DOCK5: variants seen among roughly 807,000 people sequenced by gnomAD.
DOCK5 encodes dedicator of cytokinesis 5.
Under a neutral mutation model 251.8 loss-of-function variants are expected in DOCK5, and 142 were observed. The observed-to-expected ratio is 0.56, with a 90% CI of 0.49 to 0.65. The LOEUF (loss-of-function observed/expected upper bound fraction) is 0.65. Among genes scored for constraint, DOCK5 ranks in the 30% least tolerant of loss-of-function variants. DOCK5 has a pLI of 0.00. For synonymous variants in DOCK5, 842 were observed against 835.5 expected (o/e 1.01, Z -0.13); for missense variants, 2,111 against 2,312.3 (o/e 0.91, Z 1.79).
intron 40 of DOCK5, among the ~76,000 whole-genome samples, chr8:25,384,212 A>T (rs147335099): frequency 7.7e-4 from 117 of 152,262 alleles, no homozygotes; most frequent in African/African-American, 2.7e-3. Flanking sequence ...ATTTATACGA[A>T]ATTCTTGCCT....
chr8:25,255,489 G>T (rs1262757556), intron 2 of DOCK5, among the ~76,000 whole-genome samples: 3 of 152,208 alleles, frequency 2.0e-5, no homozygotes, highest in Non-Finnish European at 4.4e-5. Flanking sequence ...AAACTATGGA[G>T]ATGGTAAAAA....
chr8:25,382,342 GA>G (rs1259277688), intron 39 of DOCK5, among the ~76,000 whole-genome samples: 1 of 152,172 alleles, frequency 6.6e-6, no homozygotes, highest in Non-Finnish European at 1.5e-5. Flanking sequence ...GTGAATCTCA[GA>G]ATGCACTTTT....
intron 12 of DOCK5, 82 bp downstream of exon 12, chr8:25,309,007 T>C (rs956340635): frequency 2.0e-6 from 3 of 1,511,224 alleles, no homozygotes; most frequent in African/African-American, 1.4e-5. Context: ...TCCTGCCCTT[T>C]ATTATCTTTC....
At position 25,411,175 on chromosome 8, in the gene DOCK5, T is replaced by C. The variant is rs769891892; in HGVS notation, c.5509-19T>C. On this transcript the variant is annotated intron_variant, in intron 51 of 51. Coordinates refer to ENST00000276440, the MANE Select transcript of DOCK5 (RefSeq NM_024940.8). ...GAAAGCTAAGACCTGCTTCTAATTT[T>C]GTGTTTCTGCTTCTGCAGCTCGCTC... 28 of 1,535,500 alleles carry C rather than the reference T, an allele frequency of 1.8e-5. No individual in the cohort carries two copies. The highest frequency in any genetic ancestry group is 3.4e-4 in the Middle Eastern group (2 of 5,876).
intron 26 of DOCK5, among the ~76,000 whole-genome samples, chr8:25,346,511 T>C (rs1364550055): frequency 6.6e-6 from 1 of 151,732 alleles, no homozygotes; most frequent in Non-Finnish European, 1.5e-5. Context: ...CTCTGTGACC[T>C]GGCCCCCATC....
chr8:25,261,384 CAGT>C (rs1178850148), intron 2 of DOCK5, among the ~76,000 whole-genome samples: 1 of 152,088 alleles, frequency 6.6e-6, no homozygotes, highest in Non-Finnish European at 1.5e-5. Context: ...TTGGAGCATG[CAGT>C]AGTAATTAAG....
rs111308987 is a variant in DOCK5 at position 25,328,636 on chromosome 8, C to T, written c.1903+3089C>T. ...CTTCGCCTGAGGAGAGTTATTCAGA[C>T]TCAAAAGGTTAAAAGCCACTGGAGT... On this transcript the variant is annotated intron_variant, in intron 18 of 51. Transcript: ENST00000276440. 2.4e-3 allele frequency among the ~76,000 whole-genome samples: 360 copies of T among 152,228 alleles called. 1 individual carries two copies. Among genetic ancestry groups the T allele is most frequent in the African/African-American group, 8.2e-3 (341 of 41,554 alleles).
At chr8:25,277,432 T>A (rs1804072817) in intron 4 of DOCK5, 2 of 148,646 alleles carry the variant, frequency 1.3e-5, no homozygotes, top group East Asian at 2.0e-4. Context: ...TCCAAAACAG[T>A]AAAAAAAAAG....
chr8:25,376,105 A>AG (rs1240240445), intron 37 of DOCK5: 1 of 258,006 alleles, frequency 3.9e-6, no homozygotes, highest in Non-Finnish European at 4.7e-6. Context: ...TCTCAAAAGA[A>AG]AAAAAAAAAA....
At chr8:25,399,833 C>A in intron 45 of DOCK5, 78 bp from the exon 46 acceptor site, 1 of 1,084,072 alleles carries the variant, frequency 9.2e-7, no homozygotes, top group Non-Finnish European at 1.4e-6. Context: ...CCGCACAGGA[C>A]ACATGTTTCA....
chr8:25,236,995 C>G (rs1028413903), intron 1 of DOCK5, among the ~76,000 whole-genome samples: 1 of 152,040 alleles, frequency 6.6e-6, no homozygotes, highest in African/African-American at 2.4e-5. Context: ...TATCAGGTGA[C>G]TAATAAAAAA....
chr8:25,186,485 T>A (rs1162551964), intron 1 of DOCK5, among the ~76,000 whole-genome samples: 1 of 151,962 alleles, frequency 6.6e-6, no homozygotes, highest in Non-Finnish European at 1.5e-5. Context: ...GCAATTCTCC[T>A]GTCTCAGCCC....
chr8:25,221,556 C>T (rs1264222926), intron 1 of DOCK5, among the ~76,000 whole-genome samples: 3 of 152,218 alleles, frequency 2.0e-5, no homozygotes, highest in Non-Finnish European at 4.4e-5. Flanking sequence ...ATCCGCCTGC[C>T]TTGGCCTCCC....
At chr8:25,266,277 A>G (rs1034380302) in intron 2 of DOCK5, among the ~76,000 whole-genome samples, 7 of 150,316 alleles carry the variant, frequency 4.7e-5, no homozygotes, top group Non-Finnish European at 8.9e-5. Flanking sequence ...GTGCAGTGGC[A>G]CTATCTCGGC....
intron 18 of DOCK5, among the ~76,000 whole-genome samples, chr8:25,327,761 A>G (rs924990346): frequency 6.6e-6 from 1 of 152,178 alleles, no homozygotes; most frequent in Non-Finnish European, 1.5e-5. Context: ...GAGAAGTTGG[A>G]CAAAAGGTAC....
intron 5 of DOCK5, among the ~76,000 whole-genome samples, chr8:25,290,847 C>T (rs1032581448): frequency 2.0e-5 from 3 of 152,092 alleles, no homozygotes; most frequent in Admixed American, 6.5e-5. Flanking sequence ...TGGGTGGGAC[C>T]GCTAACATGA....
intron 11 of DOCK5, among the ~76,000 whole-genome samples, chr8:25,307,437 T>C (rs1338527003): frequency 6.6e-6 from 1 of 152,152 alleles, no homozygotes; most frequent in Non-Finnish European, 1.5e-5. Flanking sequence ...TATAATCTTA[T>C]GGGACCATGG....
At chr8:25,191,719 A>T (rs1171165178) in intron 1 of DOCK5, among the ~76,000 whole-genome samples, 1 of 151,962 alleles carries the variant, frequency 6.6e-6, no homozygotes, top group Non-Finnish European at 1.5e-5. Flanking sequence ...TGAGTTTCTC[A>T]TCCATGGCCA....
intron 5 of DOCK5, among the ~76,000 whole-genome samples, chr8:25,288,822 G>T (rs1804409853): frequency 6.6e-6 from 1 of 152,142 alleles, no homozygotes; most frequent in African/African-American, 2.4e-5. Context: ...TTTTACCTTT[G>T]CTTATTAAAA....
Sources: gnomAD v4.1 joint callset for allele counts (sites outside exome capture counted in the v4.1 genomes callset) on GRCh38, gnomAD v4.1.1 for gene constraint, MANE v1.5 for transcripts, NCBI Gene and HGNC (gene_info 2026-07-23, HGNC 2026-07-21) for gene names.